The following KPNA1 variants were observed in gnomAD, a reference collection of about 807,000 sequenced individuals.
KPNA1 encodes importin subunit alpha-5.
KPNA1 carries 10 observed loss-of-function variants against 70.5 expected under a neutral mutation model. That is an observed-to-expected ratio of 0.14 (90% confidence interval 0.09 to 0.24). The LOEUF (loss-of-function observed/expected upper bound fraction) is 0.24. Ranked by LOEUF, KPNA1 falls within the 10% of genes least tolerant of loss-of-function variation. The pLI is 1.00. For synonymous variants in KPNA1, 192 were observed against 221.9 expected, an observed-to-expected ratio of 0.87 and a Z score of 1.20; for missense variants, 397 against 637.9, an observed-to-expected ratio of 0.62 and a Z score of 4.07.
At chr3:122,489,434 C>T (rs2076672183) in intron 2 of KPNA1, among the ~76,000 whole-genome samples, 2 of 151,160 alleles carry the variant, frequency 1.3e-5, no homozygotes, top group South Asian at 2.1e-4. Flanking sequence ...CTATAGCGTG[C>T]GCCACTAAGC....
Position 122,424,216 on chromosome 3 carries a change from A to C in KPNA1, c.*2769T>G, listed in dbSNP as rs2075792418. 1 of 152,228 alleles carries C rather than the reference A, an allele frequency of 6.6e-6. No homozygotes were observed. Among genetic ancestry groups the C allele is most frequent in the African/African-American group, 2.4e-5 (1 of 41,462 alleles). The allele number at this position is 152,228 out of a possible 1,614,324, so 9.4% of individuals were successfully genotyped here. A position where few individuals can be genotyped will look rare whatever the true frequency, so the allele number is the denominator to read the frequency against. ...AGTCACTTTCCCCAATCCATATATA[A>C]AACTACAAAAGAGTTTTCCTGTATT... On this transcript the variant is annotated 3_prime_UTR_variant, in exon 14 of 14. Coordinates refer to ENST00000344337, the MANE Select transcript of KPNA1 (RefSeq NM_002264.4).
chr3:122,478,894 CAAAAAAAA>C (rs57843662), intron 2 of KPNA1, among the ~76,000 whole-genome samples: 6 of 18,684 alleles, frequency 3.2e-4, no homozygotes, highest in African/African-American at 1.1e-3. Flanking sequence ...AACCTCGTCT[CAAAAAAAA>C]AAAAAAAAAA....
At chr3:122,514,192 A>T in intron 1 of KPNA1, among the ~76,000 whole-genome samples, 1 of 151,906 alleles carries the variant, frequency 6.6e-6, no homozygotes, top group East Asian at 1.9e-4. Flanking sequence ...TGACATCGGT[A>T]AACTGCAGCC....
chr3:122,439,739 C>T (rs2076038875), intron 10 of KPNA1, among the ~76,000 whole-genome samples: 1 of 151,842 alleles, frequency 6.6e-6, no homozygotes, highest in African/African-American at 2.4e-5. Context: ...TGGATGGGTA[C>T]AGCAACAACC....
At position 122,422,264 on chromosome 3, in the gene KPNA1, G is replaced by A. The variant is rs569418384; in HGVS notation, c.*4721C>T. On this transcript the variant is annotated 3_prime_UTR_variant, in exon 14 of 14. Coordinates refer to ENST00000344337, the MANE Select transcript of KPNA1 (RefSeq NM_002264.4). ...GTAATTCTTCAAAGCCTTTCCTTCC[G>A]TGTCAATACTTTCCACATTTGTGCG... 5 of 149,054 alleles carry A rather than the reference G, an allele frequency of 3.4e-5. No homozygotes were observed. Among genetic ancestry groups the A allele is most frequent in the South Asian group, 2.1e-4 (1 of 4,758 alleles). 9.2% of individuals were successfully genotyped at this position (149,054 alleles called of 1,614,324 possible). A position where few individuals can be genotyped will look rare whatever the true frequency, so the allele number is the denominator to read the frequency against.
chr3:122,468,671 A>C (rs771826646), intron 2 of KPNA1, among the ~76,000 whole-genome samples: 1 of 152,254 alleles, frequency 6.6e-6, no homozygotes, highest in Non-Finnish European at 1.5e-5. Context: ...AGAATTTAAA[A>C]CTACGATTAA....
chr3:122,510,969 C>T (rs1035667626), intron 1 of KPNA1, among the ~76,000 whole-genome samples: 4 of 152,076 alleles, frequency 2.6e-5, no homozygotes, highest in Non-Finnish European at 5.9e-5. Flanking sequence ...AGAGACTGAA[C>T]GGCTAAAACC....
rs146552932 is a variant in KPNA1 at position 122,423,454 on chromosome 3, A to T, written c.*3531T>A. ...AAAGTGGATCCCTTTTCTTCACTGA[A>T]CATCATCCTTAGACACCACAATTTC... On this transcript the variant is annotated 3_prime_UTR_variant, in exon 14 of 14. Transcript: ENST00000344337. The T allele has an allele frequency of 1.2e-4, 18 of 152,414 alleles. No homozygotes were observed. Among genetic ancestry groups the T allele is most frequent in the African/African-American group, 4.3e-4 (18 of 41,574 alleles). 9.4% of individuals were successfully genotyped at this position (152,414 alleles called of 1,614,324 possible).
intron 2 of KPNA1, among the ~76,000 whole-genome samples, chr3:122,487,772 CT>C (rs2076646167): frequency 6.6e-6 from 1 of 152,096 alleles, no homozygotes; most frequent in African/African-American, 2.4e-5. Flanking sequence ...ATGAGGAATA[CT>C]TGTTTAATGT....
rs535682108 is a variant in KPNA1, at chr3:122,447,651, C to T, written c.917+1923G>A. On this transcript the variant is annotated intron_variant, in intron 9 of 13. Coordinates refer to ENST00000344337, the MANE Select transcript of KPNA1 (RefSeq NM_002264.4). ...CCTCTCTCAGCACTCGTATTCAACA[C>T]AGCACTGGAAGTTCTGGCCAGGGCA... Among the ~76,000 whole-genome samples the T allele has an allele frequency of 1.8e-4, 27 of 152,258 alleles. 1 individual carries two copies. In the South Asian group the frequency reaches 5.6e-3, roughly 32 times the overall value.
At chr3:122,501,031 T>TTTCC (rs2076823666) in intron 1 of KPNA1, among the ~76,000 whole-genome samples, 1 of 54,542 alleles carries the variant, frequency 1.8e-5, no homozygotes, top group African/African-American at 5.4e-5. Context: ...TTTTCTTTCC[T>TTTCC]TTTTTTTTTT....
intron 5 of KPNA1, chr3:122,457,751 T>C (rs1294657856): frequency 3.9e-6 from 5 of 1,289,422 alleles, no homozygotes; most frequent in Non-Finnish European, 5.1e-6. Context: ...CCACTCCAGG[T>C]TGAGGTACGC....
At chr3:122,487,930 AAC>A (rs1425963179) in intron 2 of KPNA1, among the ~76,000 whole-genome samples, 3 of 152,234 alleles carry the variant, frequency 2.0e-5, no homozygotes, top group East Asian at 1.9e-4. Context: ...AATTTTTTAA[AAC>A]AGTTAAGAGA....
intron 4 of KPNA1, among the ~76,000 whole-genome samples, chr3:122,462,227 A>AAC (rs748176956): frequency 8.5e-5 from 9 of 106,224 alleles, no homozygotes; most frequent in Non-Finnish European, 1.7e-4. Flanking sequence ...CAACAACAAC[A>AAC]AAAAAAAACA....
chr3:122,430,559 C>CTGTGTGTGTGTGTG, intron 12 of KPNA1, among the ~76,000 whole-genome samples: 1 of 145,116 alleles, frequency 6.9e-6, no homozygotes, highest in South Asian at 2.2e-4. Flanking sequence ...CTCAAATAAA[C>CTGTGTGTGTGTGTG]TGTGTGTGTG....
intron 5 of KPNA1, chr3:122,459,362 G>C (rs1202108544): frequency 1.1e-6 from 1 of 925,244 alleles, no homozygotes. Flanking sequence ...AGTAAATTCA[G>C]TATCTCTCAT....
chr3:122,491,439 T>C (rs2076696668), intron 2 of KPNA1, among the ~76,000 whole-genome samples: 1 of 152,218 alleles, frequency 6.6e-6, no homozygotes, highest in Non-Finnish European at 1.5e-5. Context: ...ATATGTTAAA[T>C]GTTATTAATG....
In KPNA1 at chr3:122,427,669, G is replaced by A. The variant is rs369415466; in HGVS notation, c.1298C>T (p.Thr433Met). The A allele has an allele frequency of 7.6e-5, 122 of 1,613,090 alleles. No homozygotes were observed. Among genetic ancestry groups the A allele is most frequent in the Non-Finnish European group, 9.9e-5 (117 of 1,179,484 alleles). ...GCIKPLCDLLTVMDSKIVQVA... is the reference protein window; with the variant it reads ...GCIKPLCDLLMVMDSKIVQVA... ...CTGTACAATCTTAGAGTCCATGACCGTGAGGAGATCACAGAGCGGCTTGAT... is the reference window on the plus strand; with the variant it reads ...CTGTACAATCTTAGAGTCCATGACCATGAGGAGATCACAGAGCGGCTTGAT... The change falls in exon 13 of 14, where the codon ACG (threonine) becomes ATG (methionine). Residue 433 changes from threonine to methionine, a missense_variant. Thr to Met is a moderately conservative substitution (Grantham distance 81). Transcript: ENST00000344337.
chr3:122,462,577 G>T (rs1479257609), intron 4 of KPNA1, among the ~76,000 whole-genome samples: 1 of 148,060 alleles, frequency 6.8e-6, no homozygotes, highest in African/African-American at 2.5e-5. Context: ...AATGGTGAAA[G>T]CCCTTAAAAA....
Sources: gnomAD v4.1 joint callset for allele counts (sites outside exome capture counted in the v4.1 genomes callset) on GRCh38, gnomAD v4.1.1 for gene constraint, MANE v1.5 for transcripts, NCBI Gene and HGNC (gene_info 2026-07-23, HGNC 2026-07-21) for gene names.